The following SIRT5 variants were observed in gnomAD, a reference collection of about 807,000 sequenced individuals.
SIRT5 encodes the protein sirtuin 5, also known as NAD-dependent protein deacylase sirtuin-5, mitochondrial.
Under a neutral mutation model 40.0 loss-of-function variants are expected in SIRT5, and 26 were observed. That is an observed-to-expected ratio of 0.65 (90% CI 0.48 to 0.90). The LOEUF (loss-of-function observed/expected upper bound fraction) is 0.90, where lower values mean the gene tolerates loss of function less well. Ranked by LOEUF, SIRT5 falls within the 40% of genes least tolerant of loss-of-function variation. The pLI, the probability that SIRT5 is intolerant of heterozygous loss-of-function variation, is 0.00. For synonymous variants in SIRT5, 146 were observed against 149.1 expected (o/e 0.98, Z 0.15); for missense variants, 401 against 402.4 (o/e 1.00, Z 0.03).
intron 2 of SIRT5, 43 bp from the exon 3 acceptor site, chr6:13,584,033 G>A (rs201550893): frequency 3.3e-5 from 27 of 823,012 alleles, no homozygotes; most frequent in Non-Finnish European, 4.9e-5. Context: ...AAAAATATTT[G>A]CTGATTGTTT....
intron 2 of SIRT5, among the ~76,000 whole-genome samples, chr6:13,582,625 A>AC (rs1354515833): frequency 6.6e-6 from 1 of 151,814 alleles, no homozygotes; most frequent in Non-Finnish European, 1.5e-5. Flanking sequence ...AAAAAAAAAA[A>AC]AAAAAATTCC....
At chr6:13,600,477 A>G (rs1762231139) in intron 8 of SIRT5, among the ~76,000 whole-genome samples, 1 of 152,230 alleles carries the variant, frequency 6.6e-6, no homozygotes, top group Admixed American at 6.5e-5. Flanking sequence ...CGTATTTTCT[A>G]CCTTAAACAA....
intron 3 of SIRT5, 99 bp downstream of exon 3, chr6:13,584,324 C>A: frequency 1.1e-6 from 1 of 890,828 alleles, no homozygotes; most frequent in Non-Finnish European, 1.8e-6. Context: ...AGGTATTGGG[C>A]AAGGTTTTGG....
At chr6:13,596,734 A>G (rs971930468) in intron 6 of SIRT5, among the ~76,000 whole-genome samples, 3 of 152,148 alleles carry the variant, frequency 2.0e-5, no homozygotes, top group African/African-American at 7.2e-5. Flanking sequence ...CAGTCCTCCC[A>G]CTTTGGCCTC....
At chr6:13,575,076 G>A (rs1758419304) in intron 1 of SIRT5, among the ~76,000 whole-genome samples, 2 of 152,152 alleles carry the variant, frequency 1.3e-5, no homozygotes, top group African/African-American at 4.8e-5. Flanking sequence ...CCTAGTCCCT[G>A]GGCACGAGTA....
rs1764123934 is a variant in SIRT5 at position 13,613,676 on chromosome 6, G to A, written c.*1811G>A. ...ATGGGGCGGCTGGAGAACCAGTCAG[G>A]GACCCTGAGGGCTCGATGTACACTT... On this transcript the variant is annotated 3_prime_UTR_variant, in exon 10 of 10. Transcript: ENST00000606117. 6.6e-6 allele frequency: 1 copy of A among 152,182 alleles called. No homozygotes were observed. The highest frequency in any genetic ancestry group is 2.4e-5 in the African/African-American group (1 of 41,422). 9.4% of individuals were successfully genotyped at this position (152,182 alleles called of 1,614,324 possible).
intron 4 of SIRT5, among the ~76,000 whole-genome samples, chr6:13,591,232 A>G (rs1242689799): frequency 6.6e-6 from 1 of 152,188 alleles, no homozygotes; most frequent in East Asian, 1.9e-4. Flanking sequence ...TTTCTCACCC[A>G]TGGTCATTAG....
chr6:13,580,697 G>A (rs1021350619), intron 2 of SIRT5, among the ~76,000 whole-genome samples: 2 of 151,380 alleles, frequency 1.3e-5, no homozygotes, highest in African/African-American at 4.9e-5. Flanking sequence ...TCTTTGACAG[G>A]GTCTCACTCA....
intron 5 of SIRT5, 107 bp downstream of exon 5, chr6:13,592,001 C>T: frequency 3.8e-6 from 4 of 1,058,690 alleles, no homozygotes; most frequent in Non-Finnish European, 5.6e-6. Context: ...GGACATCCGT[C>T]CTGTCCTATA....
chr6:13,594,813 G>A (rs1761366789), intron 5 of SIRT5, among the ~76,000 whole-genome samples: 2 of 152,218 alleles, frequency 1.3e-5, no homozygotes, highest in Admixed American at 6.5e-5. Flanking sequence ...ATAAACTGTG[G>A]CCACCATGAT....
chr6:13,609,842 G>A (rs939341644), intron 9 of SIRT5, among the ~76,000 whole-genome samples: 4 of 152,172 alleles, frequency 2.6e-5, no homozygotes, highest in African/African-American at 4.8e-5. Context: ...CCAAAGAATC[G>A]CTGGGCAGAT....
At chr6:13,601,058 G>A in intron 9 of SIRT5, 109 bp downstream of exon 9, 2 of 789,068 alleles carry the variant, frequency 2.5e-6, no homozygotes, top group South Asian at 2.0e-5. Flanking sequence ...CATAGGGTTT[G>A]TGTTTTTTTG....
At chr6:13,580,676 C>A (rs1474439624) in intron 2 of SIRT5, among the ~76,000 whole-genome samples, 1 of 152,070 alleles carries the variant, frequency 6.6e-6, no homozygotes, top group Admixed American at 6.6e-5. Context: ...CTGCTCTGGC[C>A]TTCTCTCCTT....
intron 9 of SIRT5, among the ~76,000 whole-genome samples, chr6:13,603,497 A>C (rs1196466284): frequency 6.6e-6 from 1 of 152,196 alleles, no homozygotes; most frequent in Non-Finnish European, 1.5e-5. Context: ...AATGATGTTC[A>C]GTAGCAAAAC....
At chr6:13,597,285 G>A (rs758666449) in intron 7 of SIRT5, among the ~76,000 whole-genome samples, 1 of 151,874 alleles carries the variant, frequency 6.6e-6, no homozygotes, top group Non-Finnish European at 1.5e-5. Context: ...GCTGTCGTGC[G>A]ACAGGTGGTT....
chr6:13,601,133 C>T (rs1449658216), intron 9 of SIRT5, among the ~76,000 whole-genome samples, 184 bp downstream of exon 9: 3 of 152,202 alleles, frequency 2.0e-5, no homozygotes, highest in Non-Finnish European at 4.4e-5. Flanking sequence ...TAGGGTAGCT[C>T]TGTCATTGTA....
chr6:13,604,413 C>G, intron 9 of SIRT5: 1 of 1,022,794 alleles, frequency 9.8e-7, no homozygotes, highest in Non-Finnish European at 1.5e-6. Context: ...ACAGGATAAA[C>G]TTTGTGAAGC....
chr6:13,585,212 C>A (rs995623917), intron 3 of SIRT5: 1 of 151,640 alleles, frequency 6.6e-6, no homozygotes, highest in African/African-American at 2.4e-5. Flanking sequence ...TTTGTTATTT[C>A]TTTTACTTTT....
chr6:13,611,915 C>T lies in SIRT5; in HGVS notation c.*50C>T, dbSNP rs528658992. 1.7e-5 allele frequency: 27 copies of T among 1,560,606 alleles called. No individual in the cohort carries two copies. The highest frequency in any genetic ancestry group is 6.7e-5 in the Admixed American group (4 of 59,802). ...CAGTATATCTAAGAACTAGGCCACA[C>T]GCAGAGGAGAAATGGTCTTATGGGT... is the stretch of plus-strand genomic sequence containing the variant. On this transcript the variant is annotated 3_prime_UTR_variant, in exon 10 of 10. Coordinates refer to ENST00000606117, the MANE Select transcript of SIRT5 (RefSeq NM_012241.5).
Sources: gnomAD v4.1 joint callset for allele counts (sites outside exome capture counted in the v4.1 genomes callset) on GRCh38, gnomAD v4.1.1 for gene constraint, MANE v1.5 for transcripts, NCBI Gene and HGNC (gene_info 2026-07-23, HGNC 2026-07-21) for gene names.